The following DUOX2 variants were observed in gnomAD, a reference collection of about 807,000 sequenced individuals.
DUOX2 encodes dual oxidase 2, also known as NADH/NADPH thyroid oxidase p138-tox.
In DUOX2, 185 loss-of-function variants were observed where a neutral mutation model predicts 183.3. The observed-to-expected ratio is 1.01, with a 90% CI of 0.90 to 1.14. The LOEUF (loss-of-function observed/expected upper bound fraction) is 1.14. Among genes scored for constraint, DUOX2 ranks in the 50% most tolerant of loss-of-function variants. DUOX2 has a pLI of 0.00. For synonymous variants in DUOX2, 788 were observed against 812.4 expected (o/e 0.97, Z 0.51); for missense variants, 1,999 against 2,022.9 (o/e 0.99, Z 0.23).
At position 45,098,046 on chromosome 15, in the gene DUOX2, G is replaced by A. The variant is rs759127457; in HGVS notation, c.3528C>T (p.Pro1176=). Residue 1176 remains proline (P), a synonymous_variant, in exon 27 of 34, where the codon CCC becomes CCT. Coordinates refer to ENST00000389039, the MANE Select transcript of DUOX2 (RefSeq NM_001363711.2). ...GGAAGAACCACCAATAGAACTTCTG[G>A]GGAAGCTTGGACCTGGGGGGCAAAG... ...NVFVNDGSKL[P]QKFYWWFFQT... is the part of the protein sequence containing the mutation. 1 of 1,614,070 alleles carries A rather than the reference G, an allele frequency of 6.2e-7. No homozygotes were observed. The highest frequency in any genetic ancestry group is 1.1e-5 in the South Asian group (1 of 91,078).
intron 27 of DUOX2, 45 bp from the exon 28 acceptor site, chr15:45,097,786 G>T: frequency 1.9e-6 from 3 of 1,613,954 alleles, no homozygotes; most frequent in Non-Finnish European, 2.5e-6. Context: ...CAGGACTTCA[G>T]CTTGGGCTGA....
chr15:45,106,538 A>C lies in DUOX2; in HGVS notation c.1935T>G (p.Asp645Glu). The change falls in exon 16 of 34, where the codon GAT becomes GAG. Residue 645 changes from aspartate (D) to glutamate (E), a missense_variant. Asp to Glu is a conservative substitution (Grantham distance 45). Coordinates refer to ENST00000389039, the MANE Select transcript of DUOX2 (RefSeq NM_001363711.2). ...KESVKKEAAK[D>E]GVPAMEWPGP... ...CCAGCCCCTGCTCACCTGGCACTCCATCTTTGGCTGCTTCCTTCTTCACGC... is the reference window on the plus strand; with the variant it reads ...CCAGCCCCTGCTCACCTGGCACTCCCTCTTTGGCTGCTTCCTTCTTCACGC... The C allele has an allele frequency of 6.2e-7, 1 of 1,613,746 alleles. No homozygotes were observed. Among genetic ancestry groups the C allele is most frequent in the Non-Finnish European group, 8.5e-7 (1 of 1,179,936 alleles).
At chr15:45,107,297 TC>T (rs1178880363) in intron 14 of DUOX2, 47 bp downstream of exon 14, 4 of 1,606,856 alleles carry the variant, frequency 2.5e-6, no homozygotes, top group Non-Finnish European at 3.4e-6. Context: ...TCAATCTTGA[TC>T]CTTCTCTGGC....
In DUOX2 at chr15:45,110,790, C is replaced by A. The variant is rs1366394631; in HGVS notation, c.883-80G>T. On this transcript the variant is annotated intron_variant, in intron 7 of 33. Transcript: ENST00000389039. The stretch of plus-strand genomic sequence containing the variant: ...AAGGGTCTGAGCCCAAGGACGGCTT[C>A]CGTGTGGAGATGAGACCAGGAAGGG... 2.5e-6 allele frequency: 4 copies of A among 1,604,400 alleles called. No individual in the cohort carries two copies. The East Asian group carries it at 8.9e-5, about 36-fold the overall frequency.
chr15:45,097,865 C>A, intron 27 of DUOX2, 124 bp from the exon 28 acceptor site: 1 of 1,573,750 alleles, frequency 6.4e-7, no homozygotes, highest in South Asian at 1.1e-5. Context: ...CCCAGAAAAG[C>A]CTGCCTGGAG....
In DUOX2 at chr15:45,106,852, G is replaced by A. The variant is rs1460896642; in HGVS notation, c.1811C>T (p.Ala604Val). Residue 604 changes from alanine (A) to valine (V), a missense_variant, in exon 15 of 34, where the codon GCT becomes GTT. Physicochemically the swap from Ala to Val is moderately conservative, Grantham distance 64. Transcript: ENST00000389039. ...SSPGFAITII[A>V]LCCLPLVSLL... ...CTCACCTAAGGGAAGGCAGCAGAGAGCAATGATGGTGATGGCAAAACCAGG... is the reference window on the plus strand; with the variant it reads ...CTCACCTAAGGGAAGGCAGCAGAGAACAATGATGGTGATGGCAAAACCAGG... The A allele has an allele frequency of 1.3e-6, 2 of 1,593,036 alleles. No individual in the cohort carries two copies. Among genetic ancestry groups the A allele is most frequent in the African/African-American group, 1.3e-5 (1 of 74,840 alleles).
In DUOX2 at chr15:45,106,519, C is replaced by T. The variant is rs748329102; in HGVS notation, c.1945+9G>A. The T allele has an allele frequency of 1.2e-6, 2 of 1,613,878 alleles. No homozygotes were observed. The highest frequency in any genetic ancestry group is 4.5e-5 in the East Asian group (2 of 44,888). The stretch of plus-strand genomic sequence containing the variant: ...TCCCTCCTCCCTCCTCTGCCCAGCC[C>T]CTGCTCACCTGGCACTCCATCTTTG... On this transcript the variant is annotated intron_variant, in intron 16 of 33. Coordinates refer to ENST00000389039, the MANE Select transcript of DUOX2 (RefSeq NM_001363711.2).
At position 45,095,952 on chromosome 15, in the gene DUOX2, G is replaced by A; in HGVS notation, c.3956C>T (p.Thr1319Ile). ...ALGTTEYHPF[T>I]LTSAPHEDTL... The stretch of plus-strand genomic sequence containing the variant: ...GTCCTCATGGGGCGCGGAGGTCAGT[G>A]TGAAGGGGTGGTACTCGGTGGTCCC... Residue 1319 changes from threonine to isoleucine, a missense_variant, in exon 30 of 34, where the codon ACA (threonine) becomes ATA (isoleucine). Thr to Ile is a moderately conservative substitution (Grantham distance 89). Around this residue, in one of 3 missense-constraint regions of DUOX2, gnomAD observed 1,628 missense variants for 1,608.6 expected, o/e 1.01. Transcript: ENST00000389039. 1.2e-6 allele frequency: 2 copies of A among 1,614,114 alleles called. No homozygotes were observed. The highest frequency in any genetic ancestry group is 1.3e-5 in the African/African-American group (1 of 75,006).
At position 45,105,884 on chromosome 15, in the gene DUOX2, G is replaced by C. The variant is rs533037812; in HGVS notation, c.2149-56C>G. 23 of 1,605,302 alleles carry C rather than the reference G, an allele frequency of 1.4e-5. No homozygotes were observed. In the African/African-American group the frequency reaches 2.4e-4, roughly 17 times the overall value. On this transcript the variant is annotated intron_variant, in intron 17 of 33. Coordinates refer to ENST00000389039, the MANE Select transcript of DUOX2 (RefSeq NM_001363711.2). ...GGAGCTCGCTGGACCTTCTGCTTCA[G>C]CCTCCCCTCAATGGATCTTGGGTTG...
chr15:45,097,243 G>A lies in DUOX2; in HGVS notation c.3842C>T (p.Pro1281Leu). Reference sequence around the variant, plus strand: ...GGTCAGGCTGGGCCTGATACCTGAGGGCAGCAGCTCCGCCTTCACCACGCT... The same window carrying A: ...GGTCAGGCTGGGCCTGATACCTGAGAGCAGCAGCTCCGCCTTCACCACGCT... ...EISVVKAELL[P>L]SGVTYLQFQR... The change falls in exon 29 of 34, where the codon CCC (proline) becomes CTC (leucine). Residue 1281 changes from proline to leucine, a missense_variant. This residue lies in a region of DUOX2 where 1,628 missense variants were observed against 1,608.6 expected (regional missense o/e 1.01). Coordinates refer to ENST00000389039, the MANE Select transcript of DUOX2 (RefSeq NM_001363711.2). 1 of 1,614,146 alleles carries A rather than the reference G, an allele frequency of 6.2e-7. No homozygotes were observed.
At chr15:45,107,920 A>T in intron 13 of DUOX2, 127 bp downstream of exon 13, 1 of 881,658 alleles carries the variant, frequency 1.1e-6, no homozygotes, top group East Asian at 2.6e-5. Context: ...AGAGACCCAG[A>T]GGGGTTGGGA....
intron 21 of DUOX2, 73 bp downstream of exon 21, chr15:45,101,720 C>G: frequency 6.2e-7 from 1 of 1,601,376 alleles, no homozygotes; most frequent in Non-Finnish European, 8.6e-7. Context: ...AGACCTGGGT[C>G]CTGCCCACCA....
At position 45,106,570 on chromosome 15, in the gene DUOX2, T is replaced by G. The variant is rs923659104; in HGVS notation, c.1903A>C (p.Lys635Gln). 2.5e-6 allele frequency: 4 copies of G among 1,614,168 alleles called. No homozygotes were observed. The highest frequency in any genetic ancestry group is 2.5e-6 in the Non-Finnish European group (3 of 1,180,018). Residue 635 changes from lysine (K) to glutamine (Q), a missense_variant, in exon 16 of 34, where the codon AAA (lysine) becomes CAA (glutamine). Lys to Gln is a moderately conservative substitution (Grantham distance 53). Coordinates refer to ENST00000389039, the MANE Select transcript of DUOX2 (RefSeq NM_001363711.2). Reference sequence around the variant, plus strand: ...GCTGCTTCCTTCTTCACGCTCTCTTTGAGTTTCTTTTGTAGCTTCTTGTGT... The same window carrying G: ...GCTGCTTCCTTCTTCACGCTCTCTTGGAGTTTCTTTTGTAGCTTCTTGTGT... ...REHKKLQKKL[K>Q]ESVKKEAAKD...
intron 3 of DUOX2, 97 bp from the exon 4 acceptor site, chr15:45,112,815 C>T: frequency 6.3e-7 from 1 of 1,580,512 alleles, no homozygotes; most frequent in Non-Finnish European, 8.6e-7. Context: ...TCCCACTTCA[C>T]TGACAGAACC....
intron 21 of DUOX2, 130 bp downstream of exon 21, chr15:45,101,663 A>T: frequency 8.4e-7 from 1 of 1,197,564 alleles, no homozygotes; most frequent in Non-Finnish European, 1.2e-6. Flanking sequence ...CATCCCAATT[A>T]CATGTGCTTG....
chr15:45,095,749 T>A, intron 30 of DUOX2, 79 bp downstream of exon 30: 1 of 1,549,160 alleles, frequency 6.5e-7, no homozygotes, highest in Non-Finnish European at 8.8e-7. Context: ...GGCTGGAGCT[T>A]CTAGTCTCAG....
Position 45,094,954 on chromosome 15 carries a change from G to A in DUOX2, c.4377C>T (p.Asp1459=), listed in dbSNP as rs1295171340. The part of the protein sequence containing the change: ...IYVTQLAEKF[D]LRTTMLYICE... ...GACATACTAGCATGGTGGTCCTGAG[G>A]TCGAACTTCTCAGCCAGCTGGGTGA... The change falls in exon 32 of 34, where the codon GAC becomes GAT. Residue 1459 remains aspartate, a synonymous_variant. Coordinates refer to ENST00000389039, the MANE Select transcript of DUOX2 (RefSeq NM_001363711.2). 1.9e-6 allele frequency: 3 copies of A among 1,614,078 alleles called. No homozygotes were observed. The highest frequency in any genetic ancestry group is 2.2e-5 in the East Asian group (1 of 44,860).
At position 45,112,578 on chromosome 15, in the gene DUOX2, G is replaced by A. The variant is rs745589625; in HGVS notation, c.301C>T (p.Arg101Cys). Residue 101 changes from arginine to cysteine, a missense_variant, in exon 4 of 34, where the codon CGC (arginine) becomes TGC (cysteine). By Grantham distance (180) the Arg-to-Cys change is radical. Coordinates refer to ENST00000389039, the MANE Select transcript of DUOX2 (RefSeq NM_001363711.2). ...CCAAAGAAGACCCCCAGTACGGTGC[G>A]GTTGTGGAGCGACGGCAGGCCGGCT... ...GIAGLPSLHN[R>C]TVLGVFFGYH... 1 of 1,613,136 alleles carries A rather than the reference G, an allele frequency of 6.2e-7. No individual in the cohort carries two copies. The highest frequency in any genetic ancestry group is 8.5e-7 in the Non-Finnish European group (1 of 1,179,756).
At position 45,105,775 on chromosome 15, in the gene DUOX2, C is replaced by T. The variant is rs769789467; in HGVS notation, c.2202G>A (p.Trp734Ter). Residue 734 changes from tryptophan (W) to a stop codon, truncating the protein, a stop_gained, in exon 18 of 34, where the codon TGG becomes TGA. Transcript: ENST00000389039. LOFTEE classifies it high-confidence loss of function. Reference sequence around the variant, plus strand: ...CCAGAGCCCAGCGCACGCAGAAGTCCCATAGCTGCTGCACAAAGGCGCCCC... The same window carrying T: ...CCAGAGCCCAGCGCACGCAGAAGTCTCATAGCTGCTGCACAAAGGCGCCCC... ...EERGAFVQQL[W>*]DFCVRWALGL... The T allele has an allele frequency of 1.2e-6, 2 of 1,614,250 alleles. No individual in the cohort carries two copies. The highest frequency in any genetic ancestry group is 4.5e-5 in the East Asian group (2 of 44,890).
Sources: allele counts gnomAD v4.1 joint callset, GRCh38; gene constraint gnomAD v4.1.1; regional missense constraint gnomAD v4.1.1; transcripts MANE v1.5; gene names NCBI Gene and HGNC (gene_info 2026-07-23, HGNC 2026-07-21).